Variants in ATG16L1 observed in about 807,000 individuals in gnomAD.
ATG16L1 encodes the protein autophagy related 16 like 1.
Under a neutral mutation model 88.5 loss-of-function variants are expected in ATG16L1, and 37 were observed. That is an observed-to-expected ratio of 0.42 (90% CI 0.32 to 0.55). The LOEUF (loss-of-function observed/expected upper bound fraction) is 0.55. Ranked by LOEUF, ATG16L1 falls within the 20% of genes least tolerant of loss-of-function variation. The probability of loss-of-function intolerance (pLI) is 0.13; values close to 1 mark genes in which losing one functional copy is unlikely to be tolerated. For synonymous variants in ATG16L1, 301 were observed against 281.0 expected, an observed-to-expected ratio of 1.07 and a Z score of -0.71; for missense variants, 554 against 752.8, an observed-to-expected ratio of 0.74 and a Z score of 3.09.
At chr2:233,275,686 C>T in intron 9 of ATG16L1, 1 of 512,512 alleles carries the variant, frequency 2.0e-6, no homozygotes, top group South Asian at 1.4e-5. Context: ...CCCAGTCCCA[C>T]TCCACTCCTG....
chr2:233,255,034 C>T (rs1006182650), intron 1 of ATG16L1, among the ~76,000 whole-genome samples: 4 of 151,946 alleles, frequency 2.6e-5, no homozygotes, highest in Non-Finnish European at 5.9e-5. Flanking sequence ...AGTGCAGTGG[C>T]GCGATCTCAG....
chr2:233,279,614 T>A (rs1336116405), intron 10 of ATG16L1, among the ~76,000 whole-genome samples: 1 of 152,216 alleles, frequency 6.6e-6, no homozygotes, highest in African/African-American at 2.4e-5. Context: ...TCTGAAATAG[T>A]TTGGGGGTCC....
chr2:233,262,360 A>T lies in ATG16L1; in HGVS notation c.210-770A>T, dbSNP rs977784794. 1.2e-4 allele frequency among the ~76,000 whole-genome samples: 18 copies of T among 152,102 alleles called. No individual in the cohort carries two copies. In the East Asian group the frequency reaches 2.9e-3, roughly 25 times the overall value. The stretch of plus-strand genomic sequence containing the variant: ...GCAATCTGCTCTCCTTTTAAAACCT[A>T]AGTCATTCAGCTGCTCAGAGCCCTC... On this transcript the variant is annotated intron_variant, in intron 2 of 17. Coordinates refer to ENST00000392017, the MANE Select transcript of ATG16L1 (RefSeq NM_030803.7).
Position 233,277,665 on chromosome 2 carries a change from T to G in ATG16L1, c.1052T>G (p.Val351Gly), listed in dbSNP as rs1480276345. 1 of 1,613,700 alleles carries G rather than the reference T, an allele frequency of 6.2e-7. No homozygotes were observed. The highest frequency in any genetic ancestry group is 8.5e-7 in the Non-Finnish European group (1 of 1,179,700). ...GMDRRVKLWE[V>G]FGEKCEFKGS... is the part of the protein sequence containing the mutation. Reference sequence around the variant, plus strand: ...GACCGCAGGGTTAAGCTTTGGGAAGTATTTGGAGGTGAGAGCCTGCTGCAT... The same window carrying G: ...GACCGCAGGGTTAAGCTTTGGGAAGGATTTGGAGGTGAGAGCCTGCTGCAT... Residue 351 changes from valine (V) to glycine (G), a missense_variant, in exon 10 of 18, where the codon GTA becomes GGA. Physicochemically the swap from Val to Gly is moderately radical, Grantham distance 109. Transcript: ENST00000392017.
chr2:233,291,704 T>C (rs1398950484), intron 14 of ATG16L1, among the ~76,000 whole-genome samples: 3 of 152,154 alleles, frequency 2.0e-5, no homozygotes, highest in Non-Finnish European at 4.4e-5. Flanking sequence ...CCACAGTGAA[T>C]AGGGCAGAAA....
intron 12 of ATG16L1, among the ~76,000 whole-genome samples, chr2:233,285,994 A>C (rs948910897): frequency 2.0e-5 from 3 of 152,144 alleles, no homozygotes; most frequent in South Asian, 2.1e-4. Context: ...GTCAGTACAA[A>C]ACTGCCTGGC....
At chr2:233,286,643 T>TTTTTTTTG (rs1553608374) in intron 12 of ATG16L1, among the ~76,000 whole-genome samples, 52 of 138,946 alleles carry the variant, frequency 3.7e-4, no homozygotes, top group African/African-American at 1.1e-3. Flanking sequence ...TTTTTTTTTT[T>TTTTTTTTG]GAGACAGTGT....
Position 233,284,270 on chromosome 2 carries a change from C to A in ATG16L1, c.1203+1517C>A, listed in dbSNP as rs141819118. On this transcript the variant is annotated intron_variant, in intron 12 of 17. Transcript: ENST00000392017. ...TTCAAGTGATCTCCTTCCTCAGCCTCCCAAGCAGCTGGGATTACATGCATC... is the reference window on the plus strand; with the variant it reads ...TTCAAGTGATCTCCTTCCTCAGCCTACCAAGCAGCTGGGATTACATGCATC... Among the ~76,000 whole-genome samples, 75 of 152,190 alleles carry A rather than the reference C, an allele frequency of 4.9e-4. No homozygotes were observed. In the Middle Eastern group the frequency reaches 0.014, roughly 28 times the overall value.
intron 1 of ATG16L1, among the ~76,000 whole-genome samples, chr2:233,254,338 A>G (rs573176824): frequency 4.6e-5 from 7 of 152,268 alleles, no homozygotes; most frequent in Non-Finnish European, 1.0e-4. Flanking sequence ...GCATGTTAAG[A>G]TCTTCTGTTT....
At chr2:233,289,377 ATGTGTG>A (rs56993445) in intron 12 of ATG16L1, among the ~76,000 whole-genome samples, 6 of 129,058 alleles carry the variant, frequency 4.6e-5, no homozygotes, top group East Asian at 2.2e-4. Context: ...CCTGTTTGGG[ATGTGTG>A]TGTGTGTGTG....
rs545003258 is a variant in ATG16L1, at chr2:233,273,997, C to T, written c.851+220C>T. The T allele has an allele frequency of 1.7e-4, 266 of 1,551,220 alleles. 1 individual carries two copies. The South Asian group carries it at 2.4e-3, about 14-fold the overall frequency. On this transcript the variant is annotated intron_variant, in intron 8 of 17. Coordinates refer to ENST00000392017, the MANE Select transcript of ATG16L1 (RefSeq NM_030803.7). Reference sequence around the variant, plus strand: ...CTCTGGCCTTTCCCTTTAGTCTGTCCGAGTCTCCCCTTTTGGGACATCATT... The same window carrying T: ...CTCTGGCCTTTCCCTTTAGTCTGTCTGAGTCTCCCCTTTTGGGACATCATT...
Position 233,281,046 on chromosome 2 carries a change from T to G in ATG16L1, c.1061-59T>G, listed in dbSNP as rs1210974927. The stretch of plus-strand genomic sequence containing the variant: ...TCCATTGTATTTCAGTGCCCTGTTT[T>G]AATGTATTTATTGGCTTTATTTAAC... On this transcript the variant is annotated intron_variant, in intron 10 of 17. Transcript: ENST00000392017. 8.0e-6 allele frequency: 9 copies of G among 1,127,880 alleles called. No individual in the cohort carries two copies. In the Admixed American group the frequency reaches 2.0e-4, roughly 25 times the overall value. 69.9% of individuals were successfully genotyped at this position (1,127,880 alleles called of 1,614,324 possible).
Position 233,294,359 on chromosome 2 carries a change from T to A in ATG16L1, c.*9T>A, listed in dbSNP as rs1402010745. 1 of 1,612,266 alleles carries A rather than the reference T, an allele frequency of 6.2e-7. No individual in the cohort carries two copies. Among genetic ancestry groups the A allele is most frequent in the Non-Finnish European group, 8.5e-7 (1 of 1,179,108 alleles). On this transcript the variant is annotated 3_prime_UTR_variant, in exon 18 of 18. Coordinates refer to ENST00000392017, the MANE Select transcript of ATG16L1 (RefSeq NM_030803.7). ...TGTGGGCACAGTACTGACGGGGCTC[T>A]CAGGGCTGGGAGGACCCCAGTGCCC...
In ATG16L1 at chr2:233,295,566, T is replaced by G. The variant is rs1263087209; in HGVS notation, c.*1216T>G. ...TTCAGAGAACTTAAGTCAAGGAGAG[T>G]TGAAATTCACAGGCCAGGGCACATC... On this transcript the variant is annotated 3_prime_UTR_variant, in exon 18 of 18. Coordinates refer to ENST00000392017, the MANE Select transcript of ATG16L1 (RefSeq NM_030803.7). The G allele has an allele frequency of 6.6e-6, 1 of 152,640 alleles. No individual in the cohort carries two copies. Among genetic ancestry groups the G allele is most frequent in the Non-Finnish European group, 1.5e-5 (1 of 68,018 alleles). The allele number at this position is 152,640 out of a possible 1,614,324, so 9.5% of individuals were successfully genotyped here. A position where few individuals can be genotyped will look rare whatever the true frequency, so the allele number is the denominator to read the frequency against.
chr2:233,275,917 A>G (rs1262106623), intron 9 of ATG16L1: 1 of 519,206 alleles, frequency 1.9e-6, no homozygotes. Flanking sequence ...GCTGACGAGT[A>G]TCCAACAAAA....
chr2:233,281,246 A>C, intron 11 of ATG16L1, 71 bp downstream of exon 11: 1 of 1,188,914 alleles, frequency 8.4e-7, no homozygotes, highest in Non-Finnish European at 1.2e-6. Flanking sequence ...TTGAAATTAT[A>C]ACATAACTTA....
chr2:233,261,003 T>C (rs1697169454), intron 2 of ATG16L1, among the ~76,000 whole-genome samples: 1 of 152,240 alleles, frequency 6.6e-6, no homozygotes, highest in Non-Finnish European at 1.5e-5. Context: ...TCGCCCAGGC[T>C]GGAGGGCAGT....
chr2:233,271,229 G>A (rs1348807157), intron 6 of ATG16L1, among the ~76,000 whole-genome samples: 1 of 152,194 alleles, frequency 6.6e-6, no homozygotes, highest in Non-Finnish European at 1.5e-5. Flanking sequence ...ACAGGAAGGG[G>A]CCGAGGTAGG....
chr2:233,293,460 A>C, intron 17 of ATG16L1, 103 bp downstream of exon 17: 1 of 1,064,660 alleles, frequency 9.4e-7, no homozygotes, highest in Non-Finnish European at 1.4e-6. Context: ...CTGTGAGGGC[A>C]CTGTCCGCCC....
Sources: gnomAD v4.1 joint callset for allele counts (sites outside exome capture counted in the v4.1 genomes callset) on GRCh38, gnomAD v4.1.1 for gene constraint, MANE v1.5 for transcripts, NCBI Gene and HGNC (gene_info 2026-07-23, HGNC 2026-07-21) for gene names.